Variants in GDA observed in about 807,000 individuals in gnomAD.
The protein encoded by GDA is cytoplasmic PSD-95 interactor.
Under a neutral mutation model 59.6 loss-of-function variants are expected in GDA, and 18 were observed. The observed-to-expected ratio is 0.30, with a 90% CI of 0.21 to 0.45. The LOEUF (loss-of-function observed/expected upper bound fraction) is 0.45, where lower values mean the gene tolerates loss of function less well. Among genes scored for constraint, GDA ranks in the 20% least tolerant of loss-of-function variants. The pLI is 1.00. For synonymous variants in GDA, 201 were observed against 201.1 expected, an observed-to-expected ratio of 1.00 and a Z score of 0.00; for missense variants, 427 against 552.3, an observed-to-expected ratio of 0.77 and a Z score of 2.27.
intron 10 of GDA, among the ~76,000 whole-genome samples, chr9:72,240,720 G>A (rs1157233879): frequency 6.6e-6 from 1 of 152,142 alleles, no homozygotes; most frequent in African/African-American, 2.4e-5. Flanking sequence ...TGAGGATGGA[G>A]GCAGAGATTG....
intron 1 of GDA, among the ~76,000 whole-genome samples, chr9:72,159,579 A>G (rs1300714289): frequency 1.3e-5 from 2 of 152,264 alleles, no homozygotes; most frequent in African/African-American, 4.8e-5. Context: ...CTAAACTTAC[A>G]TATAATGATA....
At chr9:72,150,055 C>T (rs1009071925) in intron 1 of GDA, among the ~76,000 whole-genome samples, 1 of 152,168 alleles carries the variant, frequency 6.6e-6, no homozygotes, top group East Asian at 1.9e-4. Context: ...CAACACCTAG[C>T]ACTGTGCCTG....
intron 1 of GDA, among the ~76,000 whole-genome samples, chr9:72,157,466 T>C (rs1362814803): frequency 6.6e-6 from 1 of 152,256 alleles, no homozygotes; most frequent in African/African-American, 2.4e-5. Flanking sequence ...TTTTACACTT[T>C]ACAAGAATAA....
At chr9:72,192,991 CT>C (rs1257293754) in intron 1 of GDA, among the ~76,000 whole-genome samples, 1 of 152,164 alleles carries the variant, frequency 6.6e-6, no homozygotes, top group Non-Finnish European at 1.5e-5. Flanking sequence ...TTATTTCAAT[CT>C]CTGTTAAATT....
intron 1 of GDA, among the ~76,000 whole-genome samples, chr9:72,172,182 T>A (rs1404310944): frequency 6.6e-6 from 1 of 151,680 alleles, no homozygotes; most frequent in Admixed American, 6.6e-5. Context: ...TTATTACCAG[T>A]TTCTTACGTA....
Position 72,182,037 on chromosome 9 carries a change from C to T in GDA, c.124-13463C>T, listed in dbSNP as rs147010870. On this transcript the variant is annotated intron_variant, in intron 1 of 13. Transcript: ENST00000358399. ...AGACACACACATGCACGCACACACA[C>T]ACATTTTTCTGGACTGAGAGTAAGT... Among the ~76,000 whole-genome samples, 7 of 152,276 alleles carry T rather than the reference C, an allele frequency of 4.6e-5. No homozygotes were observed. The East Asian group carries it at 1.4e-3, about 29-fold the overall frequency.
chr9:72,240,623 G>T (rs1052616105), intron 10 of GDA, among the ~76,000 whole-genome samples: 1 of 152,008 alleles, frequency 6.6e-6, no homozygotes, highest in Admixed American at 6.6e-5. Context: ...AAATAGAGTG[G>T]GTCCTAAATC....
At chr9:72,231,008 T>C (rs1838272991) in intron 9 of GDA, 106 bp from the exon 10 acceptor site, 1 of 761,460 alleles carries the variant, frequency 1.3e-6, no homozygotes, top group Non-Finnish European at 2.4e-6. Flanking sequence ...AGAGCCGATA[T>C]ATTGGGAAGC....
At chr9:72,168,641 C>T (rs573579516) in intron 1 of GDA, among the ~76,000 whole-genome samples, 2 of 152,178 alleles carry the variant, frequency 1.3e-5, no homozygotes, top group South Asian at 4.1e-4. Flanking sequence ...GATCTGCCCA[C>T]CTTGGCCTCC....
chr9:72,157,103 G>A (rs1283274757), intron 1 of GDA, among the ~76,000 whole-genome samples: 6 of 140,742 alleles, frequency 4.3e-5, no homozygotes, highest in Non-Finnish European at 7.5e-5. Flanking sequence ...GCAGTGGCGC[G>A]ATCTTAGCTC....
At chr9:72,134,843 G>A (rs1049005098) in intron 1 of GDA, among the ~76,000 whole-genome samples, 8 of 152,234 alleles carry the variant, frequency 5.3e-5, no homozygotes, top group Non-Finnish European at 1.0e-4. Flanking sequence ...GCTTCCACTT[G>A]ACAATTTTGC....
At chr9:72,143,886 A>G (rs1826529748) in intron 1 of GDA, among the ~76,000 whole-genome samples, 1 of 152,212 alleles carries the variant, frequency 6.6e-6, no homozygotes, top group Non-Finnish European at 1.5e-5. Context: ...TAAAATAAAC[A>G]TATGCCGATT....
downstream of GDA, among the ~76,000 whole-genome samples, chr9:72,252,491 G>A (rs537391993): frequency 5.0e-3 from 760 of 152,182 alleles, 4 homozygotes; most frequent in Non-Finnish European, 8.0e-3. Context: ...TATATTTTAA[G>A]ACATTACCCA....
rs552050155 is a variant in GDA at position 72,189,052 on chromosome 9, T to C, written c.124-6448T>C. Reference sequence around the variant, plus strand: ...CAATCCTATGCTTGCCCCACCATTGTATTCTGGAAGTAGATAACTTATTTG... The same window carrying C: ...CAATCCTATGCTTGCCCCACCATTGCATTCTGGAAGTAGATAACTTATTTG... On this transcript the variant is annotated intron_variant, in intron 1 of 13. Transcript: ENST00000358399. 3.3e-5 allele frequency among the ~76,000 whole-genome samples: 5 copies of C among 152,184 alleles called. No homozygotes were observed. In the East Asian group the frequency reaches 9.6e-4, roughly 29 times the overall value.
intron 1 of GDA, among the ~76,000 whole-genome samples, chr9:72,133,308 A>AATAATAATAAT (rs1554722434): frequency 9.8e-6 from 1 of 101,558 alleles, no homozygotes. Context: ...AAAAAAAAAA[A>AATAATAATAAT]AATAATAATA....
chr9:72,254,638 A>G (rs969197792), downstream of GDA, among the ~76,000 whole-genome samples: 1 of 152,190 alleles, frequency 6.6e-6, no homozygotes, highest in Admixed American at 6.5e-5. Context: ...ATTTGGTCAG[A>G]TGACATCCAC....
chr9:72,244,034 G>A (rs576070636), intron 11 of GDA, among the ~76,000 whole-genome samples: 16 of 152,036 alleles, frequency 1.1e-4, no homozygotes, highest in Admixed American at 2.6e-4. Context: ...AAAATTAGCC[G>A]GGCGTGGTGG....
chr9:72,201,083 C>A (rs1408727176), intron 2 of GDA, among the ~76,000 whole-genome samples: 1 of 152,090 alleles, frequency 6.6e-6, no homozygotes, highest in Non-Finnish European at 1.5e-5. Context: ...TTTATTGATG[C>A]TTTCCATTAT....
At position 72,195,862 on chromosome 9, in the gene GDA, T is replaced by G. The variant is rs1490595042; in HGVS notation, c.212+274T>G. Among the ~76,000 whole-genome samples the G allele has an allele frequency of 3.9e-5, 6 of 152,060 alleles. No individual in the cohort carries two copies. The East Asian group carries it at 1.2e-3, about 29-fold the overall frequency. On this transcript the variant is annotated intron_variant, in intron 2 of 13. Transcript: ENST00000358399. ...TGTGCAGTACTGGAGGGTCTGGAGG[T>G]GAAAAAGATCTTCAAAGTCCTTGTC...
Sources: gnomAD v4.1 joint callset for allele counts (sites outside exome capture counted in the v4.1 genomes callset) on GRCh38, gnomAD v4.1.1 for gene constraint, MANE v1.5 for transcripts, NCBI Gene and HGNC (gene_info 2026-07-23, HGNC 2026-07-21) for gene names.